The following TAFA5 variants were observed in gnomAD, a reference collection of about 807,000 sequenced individuals.
The protein encoded by TAFA5 is TAFA chemokine like family member 5.
TAFA5 carries 6 observed loss-of-function variants against 15.3 expected under a neutral mutation model. The observed-to-expected ratio is 0.39, with a 90% CI of 0.21 to 0.77. The LOEUF is 0.77. TAFA5 is among the 30% of genes least tolerant of loss of function. The pLI is 0.41. For missense variants in TAFA5, 161 were observed against 193.1 expected (o/e 0.83, Z 0.98); for synonymous variants, 103 against 80.7 (o/e 1.28, Z -1.48).
intron 3 of TAFA5, among the ~76,000 whole-genome samples, chr22:48,719,002 C>T (rs1052896398): frequency 3.9e-5 from 6 of 152,240 alleles, no homozygotes; most frequent in Non-Finnish European, 5.9e-5. Flanking sequence ...TTTGCCCGGC[C>T]GGGTCAGCTC....
At chr22:48,741,736 T>A (rs550671405) in intron 3 of TAFA5, among the ~76,000 whole-genome samples, 8 of 152,246 alleles carry the variant, frequency 5.3e-5, no homozygotes, top group African/African-American at 1.9e-4. Context: ...GAAGCCAGCC[T>A]TGCCGCACCT....
chr22:48,710,518 TC>T (rs1200465446), intron 3 of TAFA5, among the ~76,000 whole-genome samples: 5 of 152,184 alleles, frequency 3.3e-5, no homozygotes, highest in Middle Eastern at 6.8e-3. Context: ...CCAACCAGCC[TC>T]CCGCATCCGT....
intron 1 of TAFA5, among the ~76,000 whole-genome samples, chr22:48,512,579 T>TCA (rs1921254618): frequency 6.7e-6 from 1 of 148,954 alleles, no homozygotes; most frequent in East Asian, 2.0e-4. Context: ...CTGGCTGAGA[T>TCA]CACACCACTG....
chr22:48,648,697 G>A (rs556368115), intron 2 of TAFA5, among the ~76,000 whole-genome samples: 1 of 152,124 alleles, frequency 6.6e-6, no homozygotes, highest in Non-Finnish European at 1.5e-5. Flanking sequence ...AATTACCCGG[G>A]CGTGGTGGTG....
At chr22:48,734,893 T>C (rs1470019665) in intron 3 of TAFA5, among the ~76,000 whole-genome samples, 1 of 152,122 alleles carries the variant, frequency 6.6e-6, no homozygotes, top group Non-Finnish European at 1.5e-5. Context: ...TGTTCAAAAC[T>C]AAATTCCCCT....
chr22:48,541,440 T>C (rs1034228342), intron 1 of TAFA5, among the ~76,000 whole-genome samples: 2 of 152,188 alleles, frequency 1.3e-5, no homozygotes, highest in African/African-American at 4.8e-5. Flanking sequence ...ACCCAGACTT[T>C]TGCTGAAGGG....
chr22:48,613,549 G>A (rs901428224), intron 1 of TAFA5, among the ~76,000 whole-genome samples: 1 of 152,184 alleles, frequency 6.6e-6, no homozygotes, highest in African/African-American at 2.4e-5. Flanking sequence ...CGGACTCCTG[G>A]CCCTGTGGTT....
chr22:48,749,112 G>A (rs558928960), intron 3 of TAFA5, among the ~76,000 whole-genome samples: 1 of 152,324 alleles, frequency 6.6e-6, no homozygotes, highest in South Asian at 2.1e-4. Flanking sequence ...TGAGGATGGA[G>A]GCAGAGATCA....
intron 2 of TAFA5, among the ~76,000 whole-genome samples, chr22:48,675,968 C>G (rs1927959914): frequency 1.3e-5 from 2 of 152,274 alleles, no homozygotes; most frequent in Non-Finnish European, 2.9e-5. Context: ...AGTTGGCGCC[C>G]ACCACTGGCA....
chr22:48,541,555 C>T lies in TAFA5; in HGVS notation c.112+51851C>T, dbSNP rs1417702104. ...TTGTCCCAGGTGTGAGGAGCCCAGG[C>T]ACATTCCCCAGCCCACCTGTATGCC... On this transcript the variant is annotated intron_variant, in intron 1 of 3. Coordinates refer to ENST00000402357, the MANE Select transcript of TAFA5 (RefSeq NM_001082967.3). 2.0e-5 allele frequency among the ~76,000 whole-genome samples: 3 copies of T among 152,204 alleles called. No individual in the cohort carries two copies. In the East Asian group the frequency reaches 5.8e-4, roughly 29 times the overall value.
At chr22:48,713,212 C>T (rs1447691036) in intron 3 of TAFA5, among the ~76,000 whole-genome samples, 2 of 152,154 alleles carry the variant, frequency 1.3e-5, no homozygotes, top group Admixed American at 6.5e-5. Flanking sequence ...TTCGGGAACT[C>T]GTATTTCATG....
rs1420614368 is a variant in TAFA5, at chr22:48,679,110, TCCCGGCTC to T, written c.263-28604_263-28597del. On this transcript the variant is annotated intron_variant, in intron 2 of 3. Coordinates refer to ENST00000402357, the MANE Select transcript of TAFA5 (RefSeq NM_001082967.3). ...TCTCCCGGCTCCCTGTCCATCCCTC[TCCCGGCTC>T]CCTGTCCATCCCTCTCCCGGCTCCC... Among the ~76,000 whole-genome samples the T allele has an allele frequency of 6.9e-5, 6 of 86,766 alleles. 1 individual carries two copies. The highest frequency in any genetic ancestry group is 1.0e-3 in the South Asian group (2 of 1,994). The allele number at this position is 86,766 out of a possible 152,430, so 56.9% of individuals were successfully genotyped here. A position where few individuals can be genotyped will look rare whatever the true frequency, so the allele number is the denominator to read the frequency against.
Position 48,685,805 on chromosome 22 carries a change from C to T in TAFA5, c.263-21912C>T, listed in dbSNP as rs1192989115. 2.6e-5 allele frequency among the ~76,000 whole-genome samples: 4 copies of T among 152,176 alleles called. No individual in the cohort carries two copies. In the East Asian group the frequency reaches 7.7e-4, roughly 29 times the overall value. Reference sequence around the variant, plus strand: ...CCCCATTCAGAGTCCTTTGCATGTACACCTGTTGCCGGCTGCATCCATCAC... The same window carrying T: ...CCCCATTCAGAGTCCTTTGCATGTATACCTGTTGCCGGCTGCATCCATCAC... On this transcript the variant is annotated intron_variant, in intron 2 of 3. Transcript: ENST00000402357.
chr22:48,548,965 A>G (rs1922771318), intron 1 of TAFA5, among the ~76,000 whole-genome samples: 1 of 152,242 alleles, frequency 6.6e-6, no homozygotes, highest in Non-Finnish European at 1.5e-5. Context: ...CCCATGCTGG[A>G]AGAGCCTTTT....
At chr22:48,729,549 C>G (rs1601703016) in intron 3 of TAFA5, among the ~76,000 whole-genome samples, 1 of 147,900 alleles carries the variant, frequency 6.8e-6, no homozygotes, top group Non-Finnish European at 1.5e-5. Context: ...ACCAGTCAGT[C>G]AAGTTGTAGA....
intron 1 of TAFA5, among the ~76,000 whole-genome samples, chr22:48,583,808 A>G (rs1263068719): frequency 6.6e-6 from 1 of 150,960 alleles, no homozygotes; most frequent in Non-Finnish European, 1.5e-5. Flanking sequence ...CACACAACAC[A>G]CCACATACAA....
At chr22:48,743,615 C>T (rs1396224839) in intron 3 of TAFA5, among the ~76,000 whole-genome samples, 2 of 152,190 alleles carry the variant, frequency 1.3e-5, no homozygotes, top group East Asian at 3.9e-4. Context: ...GGGAGGGCTG[C>T]CAGGTGCGTC....
chr22:48,512,612 C>T (rs1239225788), intron 1 of TAFA5, among the ~76,000 whole-genome samples: 3 of 149,974 alleles, frequency 2.0e-5, no homozygotes, highest in Non-Finnish European at 4.4e-5. Context: ...GGTGATAGAG[C>T]GAGACTTTGT....
intron 1 of TAFA5, among the ~76,000 whole-genome samples, chr22:48,523,537 C>G (rs1187466319): frequency 6.6e-6 from 1 of 152,200 alleles, no homozygotes; most frequent in Non-Finnish European, 1.5e-5. Context: ...GGCCCCGGCT[C>G]TCTGCCTTCA....
Sources: gnomAD v4.1 joint callset for allele counts (sites outside exome capture counted in the v4.1 genomes callset) on GRCh38, gnomAD v4.1.1 for gene constraint, MANE v1.5 for transcripts, NCBI Gene and HGNC (gene_info 2026-07-23, HGNC 2026-07-21) for gene names.